TSPAN11: variants seen among roughly 807,000 people sequenced by gnomAD.
TSPAN11 encodes the protein tetraspanin 11.
TSPAN11 carries 29 observed loss-of-function variants against 32.9 expected under a neutral mutation model. The observed-to-expected ratio is 0.88, with a 90% CI of 0.66 to 1.20. The LOEUF is 1.20. Among genes scored for constraint, TSPAN11 ranks in the 50% most tolerant of loss-of-function variants. TSPAN11 has a pLI of 0.00. For missense variants in TSPAN11, 283 were observed against 329.1 expected (o/e 0.86, Z 1.08); for synonymous variants, 140 against 141.3 (o/e 0.99, Z 0.07).
the TSPAN11 span, among the ~76,000 whole-genome samples, chr12:31,003,756 C>T: frequency 5.9e-5 from 9 of 151,962 alleles, no homozygotes; most frequent in Admixed American, 5.2e-4. Flanking sequence ...CCAGCAAGAC[C>T]GGCCAGAGGA....
the TSPAN11 span, among the ~76,000 whole-genome samples, chr12:31,016,171 T>A: frequency 3.3e-5 from 5 of 152,188 alleles, no homozygotes; most frequent in African/African-American, 1.2e-4. Context: ...ACAGATATTG[T>A]ATGAGTCCAC....
At chr12:30,933,329 C>A (rs1332535633) in intron 1 of TSPAN11, among the ~76,000 whole-genome samples, 1 of 152,212 alleles carries the variant, frequency 6.6e-6, no homozygotes, top group South Asian at 2.1e-4. Context: ...ATGTATGTGA[C>A]AGCCAACCCC....
chr12:30,931,343 A>G (rs934152638), intron 1 of TSPAN11, among the ~76,000 whole-genome samples: 3 of 152,190 alleles, frequency 2.0e-5, no homozygotes, highest in African/African-American at 7.2e-5. Context: ...TCAGAAGAAA[A>G]AAGGACAAAG....
chr12:30,934,847 G>T (rs1938009803), intron 1 of TSPAN11, among the ~76,000 whole-genome samples: 2 of 151,950 alleles, frequency 1.3e-5, no homozygotes, highest in Admixed American at 1.3e-4. Flanking sequence ...TCACAGAGAG[G>T]GTCAGTGACT....
chr12:30,948,895 T>G (rs986577808), intron 1 of TSPAN11, among the ~76,000 whole-genome samples: 4 of 152,194 alleles, frequency 2.6e-5, no homozygotes, highest in African/African-American at 9.6e-5. Flanking sequence ...CTTATGAAAC[T>G]GAATGCTTTT....
intron 3 of TSPAN11, among the ~76,000 whole-genome samples, chr12:30,965,854 G>C (rs1478050756): frequency 2.0e-5 from 3 of 152,138 alleles, no homozygotes; most frequent in Admixed American, 6.5e-5. Flanking sequence ...GGCCACAAGA[G>C]GGGGCACAGG....
intron 1 of TSPAN11, among the ~76,000 whole-genome samples, chr12:30,945,008 C>G (rs758616782): frequency 1.3e-5 from 2 of 152,188 alleles, no homozygotes; most frequent in African/African-American, 4.8e-5. Flanking sequence ...AGGCCCTAAC[C>G]CGAACCTGAC....
intron 3 of TSPAN11, among the ~76,000 whole-genome samples, chr12:30,976,854 C>T (rs1021535058): frequency 1.3e-5 from 2 of 152,216 alleles, no homozygotes; most frequent in South Asian, 2.1e-4. Context: ...CCTCCCATCC[C>T]GCAAGGGGCA....
Position 30,978,587 on chromosome 12 carries a change from C to G in TSPAN11, c.303C>G (p.Phe101Leu). The G allele has an allele frequency of 6.2e-7, 1 of 1,614,230 alleles. No individual in the cohort carries two copies. Among genetic ancestry groups the G allele is most frequent in the Non-Finnish European group, 8.5e-7 (1 of 1,180,034 alleles). ...STYFCLLLVI[F>L]LVELVAGVLA... ...ATTTCTGCCTGTTGCTCGTCATCTT[C>G]CTGGTTGAGCTGGTGGCGGGAGTCC... Residue 101 changes from phenylalanine to leucine, a missense_variant, in exon 4 of 8, where the codon TTC becomes TTG. By Grantham distance (22) the Phe-to-Leu change is conservative. Transcript: ENST00000546076.
At chr12:30,931,772 C>T (rs1305183741) in intron 1 of TSPAN11, among the ~76,000 whole-genome samples, 1 of 148,162 alleles carries the variant, frequency 6.7e-6, no homozygotes, top group East Asian at 2.0e-4. Flanking sequence ...CCCAGCTACT[C>T]GGGAAGCTGA....
At chr12:30,926,969 C>T (rs1937809743) in intron 1 of TSPAN11, 173 bp downstream of exon 1, 2 of 1,280,458 alleles carry the variant, frequency 1.6e-6, no homozygotes, top group Non-Finnish European at 2.0e-6. Context: ...GTGGAGGAGG[C>T]AGGAATGCCT....
chr12:30,974,414 C>T (rs1365454570), intron 3 of TSPAN11, among the ~76,000 whole-genome samples: 1 of 152,240 alleles, frequency 6.6e-6, no homozygotes, highest in East Asian at 1.9e-4. Flanking sequence ...CAAATACCCA[C>T]TGGTTGCAAA....
chr12:30,946,636 G>A (rs1039276519), intron 1 of TSPAN11, among the ~76,000 whole-genome samples: 2 of 152,214 alleles, frequency 1.3e-5, no homozygotes, highest in African/African-American at 4.8e-5. Flanking sequence ...GGAAGGTGGG[G>A]ACAGCCACCT....
At chr12:30,959,794 A>C (rs1938573676) in intron 2 of TSPAN11, among the ~76,000 whole-genome samples, 2 of 146,044 alleles carry the variant, frequency 1.4e-5, no homozygotes, top group Non-Finnish European at 3.0e-5. Context: ...AAAAAAAAAA[A>C]AAAAACCGAG....
intron 1 of TSPAN11, among the ~76,000 whole-genome samples, chr12:30,949,709 T>G (rs1453438428): frequency 6.6e-6 from 1 of 152,100 alleles, no homozygotes; most frequent in African/African-American, 2.4e-5. Context: ...TCCTAGCTGC[T>G]TCCCTCCTGG....
At chr12:30,945,924 G>A (rs145689759) in intron 1 of TSPAN11, among the ~76,000 whole-genome samples, 2 of 152,252 alleles carry the variant, frequency 1.3e-5, no homozygotes, top group African/African-American at 2.4e-5. Context: ...AAGAAGGCCC[G>A]CTGAGGCCCA....
chr12:30,971,111 C>T (rs775900587), intron 3 of TSPAN11, among the ~76,000 whole-genome samples: 3 of 152,126 alleles, frequency 2.0e-5, no homozygotes, highest in Admixed American at 6.5e-5. Flanking sequence ...CTGTTGATGC[C>T]CTGTTCTGAG....
At chr12:30,943,290 G>A (rs990789049) in intron 1 of TSPAN11, among the ~76,000 whole-genome samples, 2 of 152,174 alleles carry the variant, frequency 1.3e-5, no homozygotes, top group African/African-American at 4.8e-5. Context: ...TCAAACGTCT[G>A]CTCTGCGTGT....
At chr12:30,997,078 C>T (rs148550501), downstream of TSPAN11, 430 of 152,292 alleles carry the variant, frequency 2.8e-3, 4 homozygotes, top group Middle Eastern at 6.8e-3. Flanking sequence ...CTACTGCAAG[C>T]CTCACCCCCA....
Sources: allele counts gnomAD v4.1 joint callset (sites outside exome capture counted in the v4.1 genomes callset), GRCh38; gene constraint gnomAD v4.1.1; transcripts MANE v1.5; gene names NCBI Gene and HGNC (gene_info 2026-07-23, HGNC 2026-07-21).